The following EGLN1 variants were observed in gnomAD, a reference collection of about 807,000 sequenced individuals.
EGLN1 encodes the protein egl-9 family hypoxia inducible factor 1.
EGLN1 carries 17 observed loss-of-function variants against 38.3 expected under a neutral mutation model. The observed-to-expected ratio is 0.44, with a 90% CI of 0.30 to 0.67. The LOEUF (loss-of-function observed/expected upper bound fraction) is 0.67, where lower values mean the gene tolerates loss of function less well. Among genes scored for constraint, EGLN1 ranks in the 30% least tolerant of loss-of-function variants. The pLI, the probability that EGLN1 is intolerant of heterozygous loss-of-function variation, is 0.08. For synonymous variants in EGLN1, 283 were observed against 257.5 expected (o/e 1.10, Z -0.95); for missense variants, 477 against 603.3 (o/e 0.79, Z 2.19).
At chr1:231,408,579 T>A (rs1688851500) in intron 1 of EGLN1, among the ~76,000 whole-genome samples, 1 of 152,136 alleles carries the variant, frequency 6.6e-6, no homozygotes. Context: ...AGATAGAAAG[T>A]GATTTTTAAA....
At chr1:231,420,966 C>T (rs781674043) in intron 1 of EGLN1, 32 bp downstream of exon 1, 1 of 1,614,046 alleles carries the variant, frequency 6.2e-7, no homozygotes, top group South Asian at 1.1e-5. Context: ...CGAGAAGGGC[C>T]TGTCCAGCAC....
At chr1:231,392,038 A>G (rs1688403033) in intron 1 of EGLN1, among the ~76,000 whole-genome samples, 1 of 152,208 alleles carries the variant, frequency 6.6e-6, no homozygotes, top group Non-Finnish European at 1.5e-5. Context: ...CTGTAATCCC[A>G]GCGCTTTGGG....
chr1:231,402,171 CTTA>C (rs766327965), intron 1 of EGLN1, among the ~76,000 whole-genome samples: 90 of 151,848 alleles, frequency 5.9e-4, no homozygotes, highest in Non-Finnish European at 1.2e-3. Context: ...TTCTCTTCTT[CTTA>C]TTAATACATT....
intron 1 of EGLN1, among the ~76,000 whole-genome samples, chr1:231,380,698 A>G (rs1471855397): frequency 6.6e-6 from 1 of 152,184 alleles, no homozygotes; most frequent in East Asian, 1.9e-4. Flanking sequence ...CTGGCTTTGT[A>G]TGAGTGCACA....
chr1:231,421,003 T>C lies in EGLN1; in HGVS notation c.886A>G (p.Thr296Ala). 1 of 1,613,862 alleles carries C rather than the reference T, an allele frequency of 6.2e-7. No individual in the cohort carries two copies. Among genetic ancestry groups the C allele is most frequent in the African/African-American group, 1.3e-5 (1 of 74,938 alleles). Residue 296 changes from threonine (T) to alanine (A), a missense_variant, in exon 1 of 5, where the codon ACG becomes GCG. By Grantham distance (58) the Thr-to-Ala change is moderately conservative (BLOSUM62 0). Around this residue, in one of 4 missense-constraint regions of EGLN1, gnomAD observed 119 missense variants for 179.0 expected, o/e 0.66. Transcript: ENST00000366641. This position sits in a 1 kb window ranked among gnomAD's most constrained non-coding sequence, Gnocchi z 5.5. ...KLGSYKINGR[T>A]KAMVACYPGN... is the part of the protein sequence containing the mutation. ...AACCCGCAGCACACACTTACTTTCG[T>C]CCGGCCATTGATTTTGTAGCTGCCC...
chr1:231,420,923 A>T (rs1572056999), intron 1 of EGLN1, 75 bp downstream of exon 1: 2 of 1,612,632 alleles, frequency 1.2e-6, no homozygotes, highest in Non-Finnish European at 1.7e-6. Flanking sequence ...TTCTCAGCCT[A>T]GGCAGTTTCA....
chr1:231,368,607 A>T (rs1687725486), intron 3 of EGLN1, among the ~76,000 whole-genome samples: 1 of 152,254 alleles, frequency 6.6e-6, no homozygotes, highest in Admixed American at 6.5e-5. Flanking sequence ...ATAGGAAGTG[A>T]AAGTACGCTA....
intron 1 of EGLN1, among the ~76,000 whole-genome samples, chr1:231,399,131 C>T (rs753999403): frequency 1.1e-4 from 16 of 152,130 alleles, no homozygotes; most frequent in Non-Finnish European, 2.1e-4. Context: ...AGTTCAGTGA[C>T]GGTATCTGAA....
At chr1:231,415,452 TA>T (rs145361098) in intron 1 of EGLN1, among the ~76,000 whole-genome samples, 5 of 151,294 alleles carry the variant, frequency 3.3e-5, no homozygotes, top group African/African-American at 9.7e-5. Context: ...TCTTCTCTTT[TA>T]AAAAAAAATG....
In EGLN1 at chr1:231,373,992, G is replaced by A; in HGVS notation, c.999C>T (p.Asp333=). ...CVTCIYYLNK[D]WDAKVSGGIL... ...TTAAGTTGCATACCTTGGCATCCCA[G>A]TCTTTATTAAGATAATATATACATG... The change falls in exon 2 of 5, where the codon GAC becomes GAT. Residue 333 remains aspartate, a synonymous_variant. Coordinates refer to ENST00000366641, the MANE Select transcript of EGLN1 (RefSeq NM_022051.3). The A allele has an allele frequency of 6.2e-7, 1 of 1,613,714 alleles. No individual in the cohort carries two copies. The highest frequency in any genetic ancestry group is 1.3e-5 in the African/African-American group (1 of 74,982).
At chr1:231,410,493 T>G (rs1432807452) in intron 1 of EGLN1, among the ~76,000 whole-genome samples, 2 of 152,224 alleles carry the variant, frequency 1.3e-5, no homozygotes, top group Non-Finnish European at 2.9e-5. Context: ...AGCTAGACTG[T>G]GCCCAATTCC....
At position 231,364,440 on chromosome 1, in the gene EGLN1, G is replaced by C. The variant is rs1308906291; in HGVS notation, c.*1971C>G. 6.6e-6 allele frequency: 1 copy of C among 152,244 alleles called. No homozygotes were observed. The highest frequency in any genetic ancestry group is 2.4e-5 in the African/African-American group (1 of 41,444). The allele number at this position is 152,244 out of a possible 1,614,324, so 9.4% of individuals were successfully genotyped here. A position where few individuals can be genotyped will look rare whatever the true frequency, so the allele number is the denominator to read the frequency against. On this transcript the variant is annotated 3_prime_UTR_variant, in exon 5 of 5. Transcript: ENST00000366641. Reference sequence around the variant, plus strand: ...TGGGCTGGCAGAGGCACTTACTGTAGAGATGTGATGTTATCATCTGGAAGG... The same window carrying C: ...TGGGCTGGCAGAGGCACTTACTGTACAGATGTGATGTTATCATCTGGAAGG...
intron 1 of EGLN1, among the ~76,000 whole-genome samples, chr1:231,408,916 G>T (rs550721919): frequency 6.6e-6 from 1 of 152,200 alleles, no homozygotes; most frequent in South Asian, 2.1e-4. Flanking sequence ...TCAGGGACCT[G>T]CAAACAGGTT....
At chr1:231,370,822 G>C (rs1302418054) in intron 2 of EGLN1, 124 bp from the exon 3 acceptor site, 1 of 1,093,522 alleles carries the variant, frequency 9.1e-7, no homozygotes, top group Non-Finnish European at 1.4e-6. Context: ...TCTCAATAAA[G>C]TATGAAGATG....
intron 1 of EGLN1, among the ~76,000 whole-genome samples, chr1:231,416,350 T>C (rs1689082017): frequency 6.6e-6 from 1 of 151,598 alleles, no homozygotes; most frequent in Non-Finnish European, 1.5e-5. Flanking sequence ...CATCTCCTCC[T>C]CCTCCACGTA....
At chr1:231,409,508 G>T (rs1050734258) in intron 1 of EGLN1, among the ~76,000 whole-genome samples, 6 of 152,094 alleles carry the variant, frequency 3.9e-5, no homozygotes, top group Admixed American at 3.9e-4. Flanking sequence ...AAGTTCACAG[G>T]ATCAATTTTA....
At chr1:231,367,681 G>A (rs940851205) in intron 3 of EGLN1, 45 bp from the exon 4 acceptor site, 27 of 1,565,184 alleles carry the variant, frequency 1.7e-5, no homozygotes, top group Non-Finnish European at 2.4e-5. Context: ...ACACTGCGGG[G>A]AAAAAGTGGT....
chr1:231,378,632 T>C (rs1688012684), intron 1 of EGLN1, among the ~76,000 whole-genome samples: 1 of 152,106 alleles, frequency 6.6e-6, no homozygotes, highest in Non-Finnish European at 1.5e-5. Flanking sequence ...ACAGCATAAA[T>C]TTGTTTTTCA....
In EGLN1 at chr1:231,421,886, CATG is replaced by C; in HGVS notation, c.-1_2del. 6.9e-7 allele frequency: 1 copy of C among 1,446,470 alleles called. No individual in the cohort carries two copies. Among genetic ancestry groups the C allele is most frequent in the Non-Finnish European group, 9.0e-7 (1 of 1,109,844 alleles). 89.6% of individuals were successfully genotyped at this position (1,446,470 alleles called of 1,614,324 possible). ...CGCCGGGCCCGCCGCTGTCATTGGC[CATG>C]GCGGCGGCGGCGGCGGCGACGGCGA... On this transcript the variant is annotated start_lost and 5_prime_UTR_variant, in exon 1 of 5. Transcript: ENST00000366641. This position sits in a 1 kb window ranked among gnomAD's most constrained non-coding sequence, Gnocchi z 5.5.
Sources: gnomAD v4.1 joint callset for allele counts (sites outside exome capture counted in the v4.1 genomes callset) on GRCh38, gnomAD v4.1.1 for gene constraint, gnomAD v4.1.1 regional missense constraint, Gnocchi (gnomAD v3.1) non-coding constraint, MANE v1.5 for transcripts, NCBI Gene and HGNC (gene_info 2026-07-23, HGNC 2026-07-21) for gene names.